ME3: variants seen among roughly 807,000 people sequenced by gnomAD.
ME3 encodes NADP-dependent malic enzyme, mitochondrial.
A neutral mutation model predicts 68.9 loss-of-function variants in ME3; 48 were observed. That is an observed-to-expected ratio of 0.70 (90% CI 0.55 to 0.89). The LOEUF (loss-of-function observed/expected upper bound fraction) is 0.89. Among genes scored for constraint, ME3 ranks in the 40% least tolerant of loss-of-function variants. The pLI is 0.00. For synonymous variants in ME3, 320 were observed against 318.8 expected (o/e 1.00, Z -0.04); for missense variants, 675 against 797.4 (o/e 0.85, Z 1.85).
At chr11:86,502,673 A>G (rs1056045294) in intron 5 of ME3, among the ~76,000 whole-genome samples, 1 of 152,236 alleles carries the variant, frequency 6.6e-6, no homozygotes, top group Non-Finnish European at 1.5e-5. Flanking sequence ...TGAACTTTAA[A>G]GCCAAGCAAA....
At chr11:86,600,347 G>C (rs1652007364) in intron 2 of ME3, among the ~76,000 whole-genome samples, 1 of 152,150 alleles carries the variant, frequency 6.6e-6, no homozygotes, top group Non-Finnish European at 1.5e-5. Context: ...GATCAAAAGA[G>C]ACAAAGAAGG....
intron 2 of ME3, among the ~76,000 whole-genome samples, chr11:86,571,562 GTATTTTCCTTTA>G (rs1309981046): frequency 6.6e-6 from 1 of 152,216 alleles, no homozygotes; most frequent in African/African-American, 2.4e-5. Flanking sequence ...ATTGAATTTT[GTATTTTCCTTTA>G]ATTTTAATTA....
chr11:86,638,024 T>A (rs1350253897), intron 2 of ME3, among the ~76,000 whole-genome samples: 3 of 148,582 alleles, frequency 2.0e-5, no homozygotes, highest in Admixed American at 2.0e-4. Context: ...GCAGGTTCTG[T>A]CTTTACTATG....
At chr11:86,571,408 C>T (rs1226029799) in intron 2 of ME3, among the ~76,000 whole-genome samples, 2 of 152,130 alleles carry the variant, frequency 1.3e-5, no homozygotes, top group African/African-American at 4.8e-5. Flanking sequence ...TTTGTGGCAG[C>T]CTGCCCTCAC....
exon 15 of ME3, chr11:86,441,327 C>A (rs1188888043): frequency 6.2e-7 from 1 of 1,611,738 alleles, no homozygotes; most frequent in Non-Finnish European, 8.5e-7. Context: ...TGTAGCTGTC[C>A]AGTGTAAAGG....
At chr11:86,649,552 T>C (rs1490111053) in intron 2 of ME3, among the ~76,000 whole-genome samples, 1 of 152,226 alleles carries the variant, frequency 6.6e-6, no homozygotes, top group Non-Finnish European at 1.5e-5. Flanking sequence ...CATGATTGTA[T>C]ATTTAGAAAA....
intron 4 of ME3, among the ~76,000 whole-genome samples, chr11:86,551,371 C>T (rs960624871): frequency 6.6e-6 from 1 of 152,068 alleles, no homozygotes; most frequent in Non-Finnish European, 1.5e-5. Context: ...AGTGCTCTGT[C>T]CAACATGATA....
At chr11:86,658,222 C>T (rs568143847) in intron 2 of ME3, among the ~76,000 whole-genome samples, 1 of 151,916 alleles carries the variant, frequency 6.6e-6, no homozygotes, top group South Asian at 2.1e-4. Flanking sequence ...CTCCCGAGTT[C>T]AAGCATTTGT....
chr11:86,641,128 C>A (rs56140354), intron 2 of ME3, among the ~76,000 whole-genome samples: 24,573 of 151,682 alleles, frequency 0.16, 2,088 homozygotes, highest in Non-Finnish European at 0.18. Context: ...TTTTACTGAC[C>A]CTTATGCAAT....
intron 4 of ME3, among the ~76,000 whole-genome samples, chr11:86,540,689 A>T (rs1332444728): frequency 1.3e-5 from 2 of 152,234 alleles, no homozygotes; most frequent in Non-Finnish European, 2.9e-5. Context: ...ATGGATTAAC[A>T]CAAGGACATG....
intron 2 of ME3, among the ~76,000 whole-genome samples, chr11:86,655,905 A>G (rs1404587706): frequency 6.6e-6 from 1 of 152,074 alleles, no homozygotes; most frequent in Admixed American, 6.5e-5. Flanking sequence ...TTTACAAGAA[A>G]AAAACAAACA....
rs369487551 is a variant in ME3 at position 86,522,321 on chromosome 11, AT to A, written c.468-13455del. Among the ~76,000 whole-genome samples, 106 of 152,212 alleles carry A rather than the reference AT, an allele frequency of 7.0e-4. 1 individual carries two copies. The highest frequency in any genetic ancestry group is 2.4e-3 in the African/African-American group (101 of 41,534). On this transcript the variant is annotated intron_variant, in intron 4 of 14. Coordinates refer to ENST00000543262, the Ensembl canonical transcript of ME3. ...AGGCCAATTAAAAAAATGGTAAAAAATAACACAAATTAAAAATGTAGTGTAA... is the reference window on the plus strand; with the variant it reads ...AGGCCAATTAAAAAAATGGTAAAAAAAACACAAATTAAAAATGTAGTGTAA...
At chr11:86,538,443 G>A (rs879346438) in intron 4 of ME3, among the ~76,000 whole-genome samples, 3 of 152,130 alleles carry the variant, frequency 2.0e-5, no homozygotes, top group Non-Finnish European at 4.4e-5. Flanking sequence ...CTCAGTAAAA[G>A]TAGGTGGTAG....
At chr11:86,605,207 T>C (rs1437866987) in intron 2 of ME3, among the ~76,000 whole-genome samples, 1 of 152,218 alleles carries the variant, frequency 6.6e-6, no homozygotes, top group Non-Finnish European at 1.5e-5. Context: ...CTGATTAATA[T>C]TCTATTGTAT....
chr11:86,604,275 C>T (rs10898512), intron 2 of ME3, among the ~76,000 whole-genome samples: 26,384 of 151,752 alleles, frequency 0.17, 2,639 homozygotes, highest in East Asian at 0.39. Context: ...GCTGGAGGGG[C>T]AAAATGGGGC....
chr11:86,506,577 G>A (rs901297432), intron 5 of ME3, among the ~76,000 whole-genome samples: 16 of 152,232 alleles, frequency 1.1e-4, no homozygotes, highest in Non-Finnish European at 1.6e-4. Flanking sequence ...TTAAACAGAG[G>A]TACCTTTTCA....
In ME3 at chr11:86,538,404, C is replaced by G. The variant is rs151306168; in HGVS notation, c.467+18149G>C. Reference sequence around the variant, plus strand: ...TATGATTCAAAGATAATAAAGACAACTTTATTATCTTTTACTGAGTACTGG... The same window carrying G: ...TATGATTCAAAGATAATAAAGACAAGTTTATTATCTTTTACTGAGTACTGG... On this transcript the variant is annotated intron_variant, in intron 4 of 14. Coordinates refer to ENST00000543262, the Ensembl canonical transcript of ME3. Among the ~76,000 whole-genome samples, 482 of 152,178 alleles carry G rather than the reference C, an allele frequency of 3.2e-3. 5 individuals carry two copies. Among genetic ancestry groups the G allele is most frequent in the African/African-American group, 0.011 (469 of 41,520 alleles).
chr11:86,483,181 G>C (rs1462049222), intron 7 of ME3, among the ~76,000 whole-genome samples: 1 of 152,178 alleles, frequency 6.6e-6, no homozygotes, highest in Non-Finnish European at 1.5e-5. Flanking sequence ...ACGTATATTT[G>C]AACAGAAACC....
At chr11:86,588,531 C>G (rs1228503741) in intron 2 of ME3, among the ~76,000 whole-genome samples, 1 of 152,092 alleles carries the variant, frequency 6.6e-6, no homozygotes, top group Non-Finnish European at 1.5e-5. Flanking sequence ...TAGAAAACGC[C>G]ATATTTCAAC....
Sources: gnomAD v4.1 joint callset for allele counts (sites outside exome capture counted in the v4.1 genomes callset) on GRCh38, gnomAD v4.1.1 for gene constraint, MANE v1.5 for transcripts, NCBI Gene and HGNC (gene_info 2026-07-23, HGNC 2026-07-21) for gene names.